UBE2E2: variants seen among roughly 807,000 people sequenced by gnomAD.
UBE2E2 encodes the protein ubiquitin-conjugating enzyme E2 E2.
Under a neutral mutation model 24.7 loss-of-function variants are expected in UBE2E2, and 6 were observed. The observed-to-expected ratio is 0.24, with a 90% CI of 0.13 to 0.48. The LOEUF (loss-of-function observed/expected upper bound fraction) is 0.48, where lower values mean the gene tolerates loss of function less well. Ranked by LOEUF, UBE2E2 falls within the 20% of genes least tolerant of loss-of-function variation. The pLI, the probability that UBE2E2 is intolerant of heterozygous loss-of-function variation, is 0.99. For synonymous variants in UBE2E2, 104 were observed against 83.6 expected (o/e 1.24, Z -1.33); for missense variants, 169 against 245.0 (o/e 0.69, Z 2.07).
chr3:23,371,504 T>G (rs1696397947), intron 3 of UBE2E2, among the ~76,000 whole-genome samples: 3 of 152,172 alleles, frequency 2.0e-5, no homozygotes, highest in Admixed American at 2.0e-4. Flanking sequence ...TTATTGTTAT[T>G]TAATTATTGA....
chr3:23,527,703 C>T (rs941479385), intron 4 of UBE2E2, among the ~76,000 whole-genome samples: 1 of 151,998 alleles, frequency 6.6e-6, no homozygotes, highest in East Asian at 1.9e-4. Context: ...TCAATCATGC[C>T]TACATAATGA....
chr3:23,365,117 T>G (rs929081056), intron 3 of UBE2E2, among the ~76,000 whole-genome samples: 5 of 152,110 alleles, frequency 3.3e-5, no homozygotes, highest in African/African-American at 1.2e-4. Context: ...ATTGAAGTAA[T>G]GTACTTCAAA....
intron 1 of UBE2E2, among the ~76,000 whole-genome samples, chr3:23,206,053 A>G (rs1696136899): frequency 6.6e-6 from 1 of 152,230 alleles, no homozygotes. Flanking sequence ...TATAGAGAAT[A>G]TTATTTCATT....
chr3:23,554,892 A>G (rs1016227098), intron 5 of UBE2E2, among the ~76,000 whole-genome samples: 16 of 152,088 alleles, frequency 1.1e-4, no homozygotes, highest in African/African-American at 1.2e-4. Context: ...AAGAAAACAT[A>G]TAATCCACTG....
At chr3:23,323,506 CT>C in intron 3 of UBE2E2, 5 of 435,850 alleles carry the variant, frequency 1.1e-5, no homozygotes, top group Admixed American at 2.6e-5. Flanking sequence ...TAATTCACAA[CT>C]TTTTCAGCAC....
intron 3 of UBE2E2, among the ~76,000 whole-genome samples, chr3:23,267,039 G>C (rs1698068654): frequency 1.3e-5 from 2 of 151,670 alleles, no homozygotes; most frequent in South Asian, 4.2e-4. Flanking sequence ...AGAATCTCTG[G>C]GACACATTCA....
At chr3:23,218,872 TTAAC>T (rs1373408353) in intron 3 of UBE2E2, among the ~76,000 whole-genome samples, 1 of 152,162 alleles carries the variant, frequency 6.6e-6, no homozygotes, top group East Asian at 1.9e-4. Flanking sequence ...AAAGAAACGT[TTAAC>T]TATAGTGTCA....
At chr3:23,331,014 A>T (rs907179400) in intron 3 of UBE2E2, among the ~76,000 whole-genome samples, 1 of 152,164 alleles carries the variant, frequency 6.6e-6, no homozygotes, top group East Asian at 1.9e-4. Flanking sequence ...AAAAAAATTA[A>T]TGTTTGCATG....
At chr3:23,203,666 T>A (rs1696035689) in intron 1 of UBE2E2, among the ~76,000 whole-genome samples, 1 of 118,034 alleles carries the variant, frequency 8.5e-6, no homozygotes, top group Non-Finnish European at 1.8e-5. Context: ...TCTCGCCCTT[T>A]CTACCCCTCC....
intron 3 of UBE2E2, among the ~76,000 whole-genome samples, chr3:23,240,403 G>A (rs1697227376): frequency 6.6e-6 from 1 of 152,180 alleles, no homozygotes. Flanking sequence ...GCTAACTTGG[G>A]TAATACTTTA....
intron 3 of UBE2E2, among the ~76,000 whole-genome samples, chr3:23,272,641 A>G (rs1698275783): frequency 6.6e-6 from 1 of 152,216 alleles, no homozygotes; most frequent in South Asian, 2.1e-4. Flanking sequence ...AGTTCTACAG[A>G]GAAATAGACT....
At chr3:23,215,198 T>C (rs1288796097) in intron 2 of UBE2E2, among the ~76,000 whole-genome samples, 1 of 152,216 alleles carries the variant, frequency 6.6e-6, no homozygotes. Context: ...AGCTGGTTTA[T>C]ATTAGCTACA....
At chr3:23,433,956 C>T (rs1698124180) in intron 3 of UBE2E2, among the ~76,000 whole-genome samples, 1 of 152,032 alleles carries the variant, frequency 6.6e-6, no homozygotes, top group East Asian at 1.9e-4. Context: ...TAAAATAAAT[C>T]CTCAATATTA....
chr3:23,423,550 A>G (rs1697853586), intron 3 of UBE2E2, among the ~76,000 whole-genome samples: 1 of 152,162 alleles, frequency 6.6e-6, no homozygotes, highest in African/African-American at 2.4e-5. Context: ...GCCATCCTTG[A>G]TAAGAACTCT....
chr3:23,217,469 T>A (rs1696508659), intron 3 of UBE2E2, among the ~76,000 whole-genome samples, 157 bp downstream of exon 3: 1 of 152,156 alleles, frequency 6.6e-6, no homozygotes, highest in African/African-American at 2.4e-5. Flanking sequence ...GTTTTTGTCA[T>A]CTCTGTGCAG....
chr3:23,246,090 G>A (rs1697389196), intron 3 of UBE2E2, among the ~76,000 whole-genome samples: 1 of 152,162 alleles, frequency 6.6e-6, no homozygotes, highest in African/African-American at 2.4e-5. Flanking sequence ...TATCACCCAA[G>A]CTGGCATGCA....
At chr3:23,371,888 C>T (rs551134856) in intron 3 of UBE2E2, among the ~76,000 whole-genome samples, 3 of 152,090 alleles carry the variant, frequency 2.0e-5, no homozygotes, top group East Asian at 1.9e-4. Flanking sequence ...GAGGCCAAGG[C>T]GGGTGGATCA....
intron 3 of UBE2E2, among the ~76,000 whole-genome samples, chr3:23,480,537 C>T (rs1699235487): frequency 6.6e-6 from 1 of 152,054 alleles, no homozygotes; most frequent in Non-Finnish European, 1.5e-5. Flanking sequence ...GGGTGCAGCC[C>T]TCGCTGCGCC....
chr3:23,313,810 T>G (rs1694489925), intron 3 of UBE2E2, among the ~76,000 whole-genome samples: 1 of 152,158 alleles, frequency 6.6e-6, no homozygotes, highest in African/African-American at 2.4e-5. Flanking sequence ...GTTTTCTGGT[T>G]GTTTTGTGGT....
Sources: allele counts gnomAD v4.1 joint callset (sites outside exome capture counted in the v4.1 genomes callset), GRCh38; gene constraint gnomAD v4.1.1; transcripts MANE v1.5; gene names NCBI Gene and HGNC (gene_info 2026-07-23, HGNC 2026-07-21).